The following EYS variants were observed in gnomAD, a reference collection of about 807,000 sequenced individuals.
EYS encodes the protein protein eyes shut homolog.
A neutral mutation model predicts 282.1 loss-of-function variants in EYS; 250 were observed. The ratio of observed to expected loss-of-function variants is 0.89; its 90% CI spans 0.80 to 0.98. The LOEUF (loss-of-function observed/expected upper bound fraction) is 0.98. Ranked by LOEUF, EYS falls within the 50% of genes least tolerant of loss-of-function variation. EYS has a pLI of 0.00. For missense variants in EYS, 4,016 were observed against 3,709.0 expected (o/e 1.08, Z -2.15); for synonymous variants, 1,355 against 1,282.9 (o/e 1.06, Z -1.20).
At chr6:64,485,965 C>T (rs1192330085) in intron 26 of EYS, among the ~76,000 whole-genome samples, 1 of 151,096 alleles carries the variant, frequency 6.6e-6, no homozygotes, top group East Asian at 1.9e-4. Context: ...TCAGAAAGAA[C>T]CCAAGAGAAA....
chr6:65,085,664 T>TA (rs972686141), intron 12 of EYS, among the ~76,000 whole-genome samples: 22 of 152,172 alleles, frequency 1.4e-4, no homozygotes, highest in Admixed American at 3.3e-4. Context: ...ATGACTTTTT[T>TA]AAAAAAAATC....
In EYS at chr6:64,436,221, ATTAATGCTT is replaced by A; in HGVS notation, c.5871_5879del (p.Lys1957_Ile1959del). On this transcript the variant is annotated inframe_deletion, in exon 28 of 43. Coordinates refer to ENST00000503581, the MANE Select transcript of EYS (RefSeq NM_001142800.2). ...GCCCGTTGTCCACTCTAACAGTAGTATTAATGCTTTTAAATTTTGCTTCACCAGGACAGT... is the reference window on the plus strand; with the variant it reads ...GCCCGTTGTCCACTCTAACAGTAGTATTAAATTTTGCTTCACCAGGACAGT... 1 of 1,544,846 alleles carries A rather than the reference ATTAATGCTT, an allele frequency of 6.5e-7. No individual in the cohort carries two copies. Among genetic ancestry groups the A allele is most frequent in the Non-Finnish European group, 8.8e-7 (1 of 1,142,662 alleles).
At chr6:64,478,267 G>A (rs961314017) in intron 26 of EYS, among the ~76,000 whole-genome samples, 1 of 151,702 alleles carries the variant, frequency 6.6e-6, no homozygotes, top group Admixed American at 6.6e-5. Flanking sequence ...TTTTAAAAAT[G>A]CCTTTTCCCC....
At chr6:65,616,862 A>G (rs1304496089) in intron 2 of EYS, among the ~76,000 whole-genome samples, 1 of 152,176 alleles carries the variant, frequency 6.6e-6, no homozygotes, top group Non-Finnish European at 1.5e-5. Flanking sequence ...TCTTAGTTCA[A>G]TATTTTTAAT....
chr6:65,586,551 G>T (rs1235697139), intron 2 of EYS, among the ~76,000 whole-genome samples: 1 of 152,054 alleles, frequency 6.6e-6, no homozygotes, highest in Non-Finnish European at 1.5e-5. Flanking sequence ...TGTCAGAACT[G>T]TGGAACATTT....
chr6:64,266,363 A>G (rs1767761042), intron 30 of EYS, among the ~76,000 whole-genome samples: 1 of 152,096 alleles, frequency 6.6e-6, no homozygotes, highest in South Asian at 2.1e-4. Flanking sequence ...AAGCAAAACA[A>G]TAGAGTGCTT....
At chr6:64,320,429 T>C (rs1007800373) in intron 29 of EYS, among the ~76,000 whole-genome samples, 1 of 151,922 alleles carries the variant, frequency 6.6e-6, no homozygotes, top group African/African-American at 2.4e-5. Context: ...CTGTCAAGTT[T>C]AATGGTCTTT....
chr6:63,958,386 G>A (rs566134098), intron 35 of EYS, among the ~76,000 whole-genome samples: 1 of 149,072 alleles, frequency 6.7e-6, no homozygotes, highest in African/African-American at 2.4e-5. Context: ...TAGTGGAGGA[G>A]GAAGGAGGCC....
intron 12 of EYS, among the ~76,000 whole-genome samples, chr6:65,170,339 G>A (rs1470128274): frequency 6.6e-6 from 1 of 151,496 alleles, no homozygotes; most frequent in Non-Finnish European, 1.5e-5. Flanking sequence ...ATAGAAAAAA[G>A]AGGTTGATTT....
intron 30 of EYS, among the ~76,000 whole-genome samples, chr6:64,297,591 A>G (rs1256666382): frequency 1.3e-5 from 2 of 152,230 alleles, no homozygotes; most frequent in East Asian, 3.9e-4. Context: ...GTAATTTTAC[A>G]GGCTAGAAGA....
chr6:64,454,102 C>A (rs1424653097), intron 26 of EYS, among the ~76,000 whole-genome samples: 2 of 152,102 alleles, frequency 1.3e-5, no homozygotes, highest in African/African-American at 4.8e-5. Context: ...TTTGGCCTTG[C>A]AATGTAGAGT....
intron 4 of EYS, chr6:65,491,318 A>G (rs1766035892): frequency 3.8e-6 from 1 of 266,606 alleles, no homozygotes; most frequent in African/African-American, 2.3e-5. Flanking sequence ...GCCTTCCATA[A>G]CATACTCATT....
chr6:65,607,578 T>C (rs896137705), intron 2 of EYS, among the ~76,000 whole-genome samples: 2 of 151,950 alleles, frequency 1.3e-5, no homozygotes, highest in Non-Finnish European at 2.9e-5. Flanking sequence ...ATAAATACTT[T>C]TATTTTTAAG....
At chr6:63,873,487 G>A (rs1040384113) in intron 35 of EYS, among the ~76,000 whole-genome samples, 2 of 152,156 alleles carry the variant, frequency 1.3e-5, no homozygotes, top group Non-Finnish European at 2.9e-5. Context: ...CTTTATAGTA[G>A]CGTGATTTAT....
intron 31 of EYS, among the ~76,000 whole-genome samples, chr6:64,098,367 G>T (rs1011979599): frequency 6.6e-6 from 1 of 152,004 alleles, no homozygotes; most frequent in African/African-American, 2.4e-5. Context: ...TTTATATTAT[G>T]GATAAATTTC....
chr6:64,615,979 A>G (rs1167929401), intron 24 of EYS, among the ~76,000 whole-genome samples: 7 of 152,206 alleles, frequency 4.6e-5, no homozygotes, highest in South Asian at 2.1e-4. Flanking sequence ...TTTTTATTAA[A>G]GAAAGAGCTC....
At chr6:64,686,600 C>T (rs925538958) in intron 22 of EYS, among the ~76,000 whole-genome samples, 3 of 149,036 alleles carry the variant, frequency 2.0e-5, no homozygotes, top group Non-Finnish European at 4.5e-5. Flanking sequence ...ATTTAGCGGG[C>T]CATGGTGGCC....
chr6:65,648,314 A>ATATGTGTGTGTGTG lies in EYS; in HGVS notation c.-447-8423_-447-8422insCACACACACACATA, dbSNP rs373479571. ...ATCAATGAGTGGATAAAGAAAATAT[A>ATATGTGTGTGTGTG]TGTGTGTGTGTGTGTGTGTGTGTGT... On this transcript the variant is annotated intron_variant, in intron 1 of 42. Transcript: ENST00000503581. 8.2e-3 allele frequency among the ~76,000 whole-genome samples: 1,212 copies of ATATGTGTGTGTGTG among 147,882 alleles called. 14 individuals are homozygous for ATATGTGTGTGTGTG. Among genetic ancestry groups the ATATGTGTGTGTGTG allele is most frequent in the East Asian group, 0.025 (120 of 4,864 alleles).
chr6:65,480,465 A>T (rs1307953496), intron 5 of EYS, among the ~76,000 whole-genome samples: 1 of 152,132 alleles, frequency 6.6e-6, no homozygotes, highest in Non-Finnish European at 1.5e-5. Flanking sequence ...TTTTAGATCA[A>T]ATCACTGGAG....
Sources: allele counts gnomAD v4.1 joint callset (sites outside exome capture counted in the v4.1 genomes callset), GRCh38; gene constraint gnomAD v4.1.1; transcripts MANE v1.5; gene names NCBI Gene and HGNC (gene_info 2026-07-23, HGNC 2026-07-21).